The following ZC3H11A variants were observed in gnomAD, a reference collection of about 807,000 sequenced individuals.
The protein encoded by ZC3H11A is zinc finger CCCH domain-containing protein 11A.
A neutral mutation model predicts 90.8 loss-of-function variants in ZC3H11A; 22 were observed. The ratio of observed to expected loss-of-function variants is 0.24; its 90% CI spans 0.17 to 0.35. The LOEUF is 0.35. ZC3H11A is among the 10% of genes least tolerant of loss of function. ZC3H11A has a pLI of 1.00. For synonymous variants in ZC3H11A, 294 were observed against 339.8 expected (o/e 0.87, Z 1.48); for missense variants, 701 against 964.9 (o/e 0.73, Z 3.62).
chr1:203,809,681 C>T (rs1266505020), intron 2 of ZC3H11A, among the ~76,000 whole-genome samples: 5 of 150,404 alleles, frequency 3.3e-5, no homozygotes, highest in African/African-American at 4.9e-5. Context: ...TAACCGGGTG[C>T]GGTGGCTCAC....
In ZC3H11A at chr1:203,850,674, C is replaced by G. The variant is rs1433412054; in HGVS notation, c.2099C>G (p.Ala700Gly). The G allele has an allele frequency of 1.2e-6, 2 of 1,613,838 alleles. No individual in the cohort carries two copies. Among genetic ancestry groups the G allele is most frequent in the East Asian group, 4.5e-5 (2 of 44,884 alleles). ...SVLQEPPAKK[A>G]AVAVVPLVSE... is the part of the protein sequence containing the mutation. Reference sequence around the variant, plus strand: ...CTACAGGAACCCCCAGCCAAAAAGGCAGCTGTGGTAAGAAGTATATTCACT... The same window carrying G: ...CTACAGGAACCCCCAGCCAAAAAGGGAGCTGTGGTAAGAAGTATATTCACT... The change falls in exon 16 of 18, where the codon GCA becomes GGA. Residue 700 changes from alanine to glycine, a missense_variant. Physicochemically the swap from Ala to Gly is moderately conservative, Grantham distance 60. Transcript: ENST00000367210.
At chr1:203,798,178 C>CAT in intron 1 of ZC3H11A, 2 of 1,536,092 alleles carry the variant, frequency 1.3e-6, no homozygotes, top group Non-Finnish European at 1.7e-6. Flanking sequence ...GAATATATTC[C>CAT]TACTGATCCA....
In ZC3H11A at chr1:203,837,818, T is replaced by C. The variant is rs568940107; in HGVS notation, c.875-148T>C. ...CTCCGACATTTTTATGTTTCTAACATTGAACTCTAAGGAAGCTGGTGAACA... is the reference window on the plus strand; with the variant it reads ...CTCCGACATTTTTATGTTTCTAACACTGAACTCTAAGGAAGCTGGTGAACA... On this transcript the variant is annotated intron_variant, in intron 10 of 17. Transcript: ENST00000367210. The C allele has an allele frequency of 1.5e-4, 108 of 726,174 alleles. No individual in the cohort carries two copies. The African/African-American group carries it at 1.9e-3, about 12-fold the overall frequency. 45.0% of individuals were successfully genotyped at this position (726,174 alleles called of 1,614,324 possible). A position where few individuals can be genotyped will look rare whatever the true frequency, so the allele number is the denominator to read the frequency against.
At chr1:203,817,206 G>A in intron 3 of ZC3H11A, 82 bp downstream of exon 3, 2 of 1,196,718 alleles carry the variant, frequency 1.7e-6, no homozygotes, top group South Asian at 1.7e-5. Flanking sequence ...ATTTTAAGTT[G>A]TTTTTATTAT....
At chr1:203,815,216 C>CTTTTTTTTTTTTTTTTTTTTT (rs59254922) in intron 2 of ZC3H11A, among the ~76,000 whole-genome samples, 3 of 97,154 alleles carry the variant, frequency 3.1e-5, no homozygotes, top group Admixed American at 1.5e-4. Context: ...CTTTTCTTTT[C>CTTTTTTTTTTTTTTTTTTTTT]TTTTTTTTTT....
intron 12 of ZC3H11A, 107 bp from the exon 13 acceptor site, chr1:203,847,077 A>T: frequency 1.6e-6 from 2 of 1,221,442 alleles, no homozygotes; most frequent in Non-Finnish European, 2.3e-6. Context: ...TTGCCTGCTT[A>T]AATGATAGCT....
At chr1:203,841,723 A>G (rs367954822) in intron 12 of ZC3H11A, among the ~76,000 whole-genome samples, 19,615 of 137,900 alleles carry the variant, frequency 0.14, 1,424 homozygotes, top group Non-Finnish European at 0.16. Flanking sequence ...CTTCCCAGAT[A>G]GGGCGGCCGG....
intron 2 of ZC3H11A, among the ~76,000 whole-genome samples, chr1:203,805,064 A>G (rs1196369957): frequency 6.6e-6 from 1 of 152,154 alleles, no homozygotes; most frequent in African/African-American, 2.4e-5. Context: ...TCAAATATCA[A>G]GAAATATTCA....
At chr1:203,819,095 C>T (rs200294447) in intron 4 of ZC3H11A, among the ~76,000 whole-genome samples, 4,626 of 65,120 alleles carry the variant, frequency 0.071, 127 homozygotes, top group South Asian at 0.15. Context: ...TATATACACA[C>T]ACACACACAC....
At chr1:203,823,423 G>A (rs1206148919) in intron 4 of ZC3H11A, among the ~76,000 whole-genome samples, 1 of 152,202 alleles carries the variant, frequency 6.6e-6, no homozygotes, top group Non-Finnish European at 1.5e-5. Flanking sequence ...TTTCATTGGT[G>A]CTAGCCATAT....
At chr1:203,833,379 A>AAAAAC (rs1558128059) in intron 9 of ZC3H11A, among the ~76,000 whole-genome samples, 3 of 145,678 alleles carry the variant, frequency 2.1e-5, no homozygotes, top group Admixed American at 6.8e-5. Context: ...AAAAAAAAAA[A>AAAAAC]AAAAACACCA....
chr1:203,815,160 G>T (rs1572038171), intron 2 of ZC3H11A, among the ~76,000 whole-genome samples: 1 of 144,632 alleles, frequency 6.9e-6, no homozygotes, highest in Non-Finnish European at 1.5e-5. Flanking sequence ...ATAGTCTCCA[G>T]TTTTTGAACA....
intron 9 of ZC3H11A, among the ~76,000 whole-genome samples, chr1:203,832,261 A>G (rs1204510294): frequency 2.0e-5 from 3 of 151,374 alleles, no homozygotes; most frequent in African/African-American, 2.4e-5. Flanking sequence ...GGGTTTCTCC[A>G]TGTTGGTCTG....
At chr1:203,812,476 A>C (rs532011070) in intron 2 of ZC3H11A, among the ~76,000 whole-genome samples, 2 of 152,010 alleles carry the variant, frequency 1.3e-5, no homozygotes, top group South Asian at 4.2e-4. Flanking sequence ...TATTGGATGC[A>C]TACTATTCCA....
Position 203,818,686 on chromosome 1 carries a change from T to A in ZC3H11A, c.171T>A (p.Ile57=), listed in dbSNP as rs369128980. 1.2e-6 allele frequency: 2 copies of A among 1,613,974 alleles called. No homozygotes were observed. Among genetic ancestry groups the A allele is most frequent in the Non-Finnish European group, 1.7e-6 (2 of 1,180,018 alleles). ...TGTGCAGGTTTCGGCACATGGAGAT[T>A]GATGTAAGTTTTTTATTTCCGTTAT... The part of the protein sequence containing the change: ...RQVCRFRHME[I]DKKRSEIPCY... The change falls in exon 4 of 18, where the codon ATT becomes ATA. Residue 57 remains isoleucine (I), a synonymous_variant. Transcript: ENST00000367210.
At chr1:203,830,032 T>A (rs1160298096) in intron 7 of ZC3H11A, 91 bp from the exon 8 acceptor site, 3 of 1,338,642 alleles carry the variant, frequency 2.2e-6, no homozygotes. Context: ...CTGTTGATCA[T>A]TTATTCAAAA....
intron 12 of ZC3H11A, among the ~76,000 whole-genome samples, chr1:203,844,264 C>T (rs1332712130): frequency 6.6e-6 from 1 of 152,104 alleles, no homozygotes; most frequent in South Asian, 2.1e-4. Context: ...CAGGTTAAAG[C>T]GATTCTCCTG....
At chr1:203,843,983 G>C (rs1408895192) in intron 12 of ZC3H11A, among the ~76,000 whole-genome samples, 3 of 151,490 alleles carry the variant, frequency 2.0e-5, no homozygotes, top group Admixed American at 2.0e-4. Context: ...TCACCCTTCC[G>C]AGTAGCTGGG....
chr1:203,829,676 C>T, intron 6 of ZC3H11A, 22 bp downstream of exon 6: 1 of 1,614,052 alleles, frequency 6.2e-7, no homozygotes, highest in Non-Finnish European at 8.5e-7. Context: ...CTGGCTCCTT[C>T]TTTAAGGCAA....
Sources: gnomAD v4.1 joint callset for allele counts (sites outside exome capture counted in the v4.1 genomes callset) on GRCh38, gnomAD v4.1.1 for gene constraint, MANE v1.5 for transcripts, NCBI Gene and HGNC (gene_info 2026-07-23, HGNC 2026-07-21) for gene names.